The following SUMF1 variants were observed in gnomAD, a reference collection of about 807,000 sequenced individuals.
SUMF1 encodes the protein sulfatase modifying factor 1, also known as formylglycine-generating enzyme.
Under a neutral mutation model 47.6 loss-of-function variants are expected in SUMF1, and 48 were observed. The observed-to-expected ratio is 1.01, with a 90% CI of 0.80 to 1.28. SUMF1 has a LOEUF of 1.28. Among genes scored for constraint, SUMF1 ranks in the 50% most tolerant of loss-of-function variants. The pLI is 0.00. For synonymous variants in SUMF1, 230 were observed against 192.1 expected, an observed-to-expected ratio of 1.20 and a Z score of -1.63; for missense variants, 571 against 485.4, an observed-to-expected ratio of 1.18 and a Z score of -1.66.
At chr3:4,309,691 G>T (rs999624018) in intron 8 of SUMF1, among the ~76,000 whole-genome samples, 2 of 152,150 alleles carry the variant, frequency 1.3e-5, no homozygotes, top group Admixed American at 6.5e-5. Flanking sequence ...CATCTACGTG[G>T]CAGAACTTGG....
intron 7 of SUMF1, among the ~76,000 whole-genome samples, chr3:4,378,467 T>C (rs1055546278): frequency 2.0e-5 from 3 of 152,202 alleles, no homozygotes; most frequent in Admixed American, 6.5e-5. Context: ...TATTCCTCCT[T>C]CAACTGCAGG....
intron 8 of SUMF1, among the ~76,000 whole-genome samples, chr3:4,219,202 C>G (rs1010034388): frequency 1.3e-5 from 2 of 152,154 alleles, no homozygotes; most frequent in Admixed American, 6.6e-5. Context: ...AGAGCACAGA[C>G]TATTCATATA....
intron 8 of SUMF1, among the ~76,000 whole-genome samples, chr3:4,216,479 G>C (rs1263373150): frequency 6.6e-6 from 1 of 152,114 alleles, no homozygotes; most frequent in Non-Finnish European, 1.5e-5. Flanking sequence ...ACATAGGCAT[G>C]GGCAAAGACT....
chr3:4,310,002 C>T (rs1457817291), intron 8 of SUMF1, among the ~76,000 whole-genome samples: 1 of 152,174 alleles, frequency 6.6e-6, no homozygotes, highest in Non-Finnish European at 1.5e-5. Context: ...TGATAATGCC[C>T]TATCACTCCT....
At chr3:4,147,861 G>A (rs1314134065) in intron 8 of SUMF1, among the ~76,000 whole-genome samples, 1 of 152,020 alleles carries the variant, frequency 6.6e-6, no homozygotes, top group Non-Finnish European at 1.5e-5. Context: ...CTGATCTTAA[G>A]TTAGTCAGCT....
chr3:4,360,143 G>C (rs1303153256), downstream of SUMF1, among the ~76,000 whole-genome samples: 2 of 151,290 alleles, frequency 1.3e-5, no homozygotes, highest in African/African-American at 4.9e-5. Flanking sequence ...TACTGGAGTA[G>C]GGTGACTTTA....
Position 4,233,483 on chromosome 3 carries a change from G to A in SUMF1, c.1014+142847C>T, listed in dbSNP as rs560587712. On this transcript the variant is annotated intron_variant and NMD_transcript_variant, in intron 8 of 12. Transcript: ENST00000448413. ...AGTAGTCAACTTAGATGCTTTCAGT[G>A]AGCAATTACTAAGCTATAAAATAAG... Among the ~76,000 whole-genome samples, 9 of 152,148 alleles carry A rather than the reference G, an allele frequency of 5.9e-5. No individual in the cohort carries two copies. In the South Asian group the frequency reaches 1.9e-3, roughly 32 times the overall value.
chr3:4,366,568 A>G (rs1030452510), intron 8 of SUMF1, among the ~76,000 whole-genome samples: 24 of 149,444 alleles, frequency 1.6e-4, no homozygotes, highest in Non-Finnish European at 3.0e-4. Context: ...CAGCTCCATC[A>G]GCTCCTTTAT....
intron 3 of SUMF1, among the ~76,000 whole-genome samples, chr3:4,444,906 G>C (rs12498062): frequency 1.5e-3 from 226 of 152,302 alleles, no homozygotes; most frequent in Non-Finnish European, 2.4e-3. Flanking sequence ...CTTTAAGGAT[G>C]AGGGGTAGGG....
intron 8 of SUMF1, among the ~76,000 whole-genome samples, chr3:4,343,196 C>T (rs1699307443): frequency 1.3e-5 from 2 of 152,168 alleles, no homozygotes; most frequent in African/African-American, 4.8e-5. Context: ...CTGGATAATA[C>T]ATAAGGTCCT....
intron 8 of SUMF1, chr3:4,303,723 G>A (rs985220861): frequency 1.3e-6 from 2 of 1,502,860 alleles, no homozygotes; most frequent in Admixed American, 4.1e-5. Context: ...CCTTAGCAAG[G>A]GTGTTGTCCT....
intron 8 of SUMF1, among the ~76,000 whole-genome samples, chr3:4,166,768 G>A (rs369853699): frequency 2.0e-5 from 3 of 151,908 alleles, no homozygotes; most frequent in Non-Finnish European, 4.4e-5. Flanking sequence ...ACTTTTTTTC[G>A]GGACCCGAGA....
At chr3:4,106,372 C>T (rs963410978) in intron 8 of SUMF1, among the ~76,000 whole-genome samples, 3 of 151,980 alleles carry the variant, frequency 2.0e-5, no homozygotes, top group Non-Finnish European at 4.4e-5. Flanking sequence ...GTTCACCAGG[C>T]CATAAACCAG....
intron 3 of SUMF1, among the ~76,000 whole-genome samples, chr3:4,433,085 A>G (rs914695481): frequency 1.1e-4 from 16 of 152,158 alleles, no homozygotes; most frequent in Admixed American, 1.0e-3. Flanking sequence ...TTATTTTTGC[A>G]TAAGTTTCTC....
At chr3:4,211,045 C>G (rs914074616) in intron 8 of SUMF1, among the ~76,000 whole-genome samples, 1 of 146,830 alleles carries the variant, frequency 6.8e-6, no homozygotes, top group African/African-American at 2.5e-5. Flanking sequence ...CCTCAGCCTG[C>G]AGATGGCCTG....
chr3:4,160,849 G>A (rs550950065), intron 8 of SUMF1, among the ~76,000 whole-genome samples: 2 of 152,006 alleles, frequency 1.3e-5, no homozygotes, highest in East Asian at 3.9e-4. Context: ...TGTTTGGTGA[G>A]GTCATGTTTT....
At chr3:4,091,709 A>C (rs917851887) in intron 8 of SUMF1, among the ~76,000 whole-genome samples, 3 of 152,134 alleles carry the variant, frequency 2.0e-5, no homozygotes, top group African/African-American at 7.2e-5. Flanking sequence ...CAGACTTGGC[A>C]GTGTGGCAGG....
At chr3:4,372,768 T>C (rs1023423376) in intron 8 of SUMF1, among the ~76,000 whole-genome samples, 24 of 152,236 alleles carry the variant, frequency 1.6e-4, no homozygotes, top group Non-Finnish European at 3.5e-4. Flanking sequence ...AATCCAGATG[T>C]AATTCCCTAA....
intron 8 of SUMF1, among the ~76,000 whole-genome samples, chr3:4,122,141 T>C (rs1274253627): frequency 6.6e-6 from 1 of 152,136 alleles, no homozygotes; most frequent in Non-Finnish European, 1.5e-5. Context: ...GTTGATTCCA[T>C]GTCTTTGCTA....
Sources: allele counts gnomAD v4.1 joint callset (sites outside exome capture counted in the v4.1 genomes callset), GRCh38; gene constraint gnomAD v4.1.1; transcripts MANE v1.5; gene names NCBI Gene and HGNC (gene_info 2026-07-23, HGNC 2026-07-21).